ZMYM4: variants seen among roughly 807,000 people sequenced by gnomAD.
ZMYM4 encodes zinc finger MYM-type containing 4, also known as zinc finger MYM-type protein 4.
In ZMYM4, 31 loss-of-function variants were observed where a neutral mutation model predicts 183.2. That is an observed-to-expected ratio of 0.17 (90% CI 0.13 to 0.23). ZMYM4 has a LOEUF of 0.23. Ranked by LOEUF, ZMYM4 falls within the 10% of genes least tolerant of loss-of-function variation. ZMYM4 has a pLI of 1.00. For synonymous variants in ZMYM4, 592 were observed against 631.2 expected (o/e 0.94, Z 0.93); for missense variants, 1,273 against 1,840.3 (o/e 0.69, Z 5.64).
intron 1 of ZMYM4, chr1:35,309,110 A>T: frequency 3.5e-6 from 3 of 851,210 alleles, no homozygotes; most frequent in African/African-American, 1.8e-5. Context: ...CTAAATATGG[A>T]TGCCAACCTC....
At chr1:35,415,003 G>A (rs902076895) in intron 27 of ZMYM4, among the ~76,000 whole-genome samples, 6 of 152,236 alleles carry the variant, frequency 3.9e-5, no homozygotes, top group Admixed American at 2.6e-4. Flanking sequence ...AGCCCTGATC[G>A]TGCCACTGCA....
At chr1:35,391,865 A>G (rs1644711933) in intron 15 of ZMYM4, among the ~76,000 whole-genome samples, 1 of 151,038 alleles carries the variant, frequency 6.6e-6, no homozygotes, top group Non-Finnish European at 1.5e-5. Context: ...ACATGGTGAA[A>G]CCCCGTCTCT....
In ZMYM4 at chr1:35,370,625, A is replaced by T. The variant is rs756849810; in HGVS notation, c.1179A>T (p.Ser393=). 2.5e-6 allele frequency: 4 copies of T among 1,603,476 alleles called. No homozygotes were observed. Among genetic ancestry groups the T allele is most frequent in the Non-Finnish European group, 3.4e-6 (4 of 1,173,562 alleles). The change falls in exon 7 of 30, where the codon TCA becomes TCT. Residue 393 remains serine, a splice_region_variant and synonymous_variant. Coordinates refer to ENST00000314607, the MANE Select transcript of ZMYM4 (RefSeq NM_005095.3). ...CCAAGAAAACTTGTTCAAGTTGCTC[A>T]AAGTATAGCAGAATTCTAAATTATC... ...PLTKKTCSSC[S]KDILNPKDVI...
chr1:35,288,244 C>A (rs528897276), intron 1 of ZMYM4, among the ~76,000 whole-genome samples: 1 of 152,174 alleles, frequency 6.6e-6, no homozygotes, highest in Non-Finnish European at 1.5e-5. Context: ...TTTCGCACTC[C>A]CTTCTTTACT....
chr1:35,310,801 C>T (rs1394126667), intron 1 of ZMYM4, among the ~76,000 whole-genome samples: 1 of 151,920 alleles, frequency 6.6e-6, no homozygotes, highest in East Asian at 1.9e-4. Flanking sequence ...TGGTCTCGAG[C>T]TCCTGACCTC....
chr1:35,386,328 G>A (rs1340474849), intron 11 of ZMYM4, 139 bp downstream of exon 11: 2 of 599,194 alleles, frequency 3.3e-6, no homozygotes, highest in African/African-American at 1.9e-5. Context: ...AGTTCCACAG[G>A]CTGTACAGGT....
At chr1:35,411,005 T>G (rs1248726604) in intron 26 of ZMYM4, among the ~76,000 whole-genome samples, 1 of 152,080 alleles carries the variant, frequency 6.6e-6, no homozygotes, top group Non-Finnish European at 1.5e-5. Context: ...AATTTTTGTA[T>G]CTGGTATGAG....
intron 1 of ZMYM4, among the ~76,000 whole-genome samples, chr1:35,293,091 C>T (rs1361352754): frequency 6.6e-6 from 1 of 151,740 alleles, no homozygotes; most frequent in Non-Finnish European, 1.5e-5. Flanking sequence ...GCCTCTAACC[C>T]CTAGGCTCAA....
intron 1 of ZMYM4, among the ~76,000 whole-genome samples, chr1:35,311,880 C>G (rs888159614): frequency 6.6e-6 from 1 of 151,746 alleles, no homozygotes; most frequent in Non-Finnish European, 1.5e-5. Flanking sequence ...GTATGAAGAG[C>G]CTTTCTTTTT....
At chr1:35,336,877 A>G (rs576361460) in intron 2 of ZMYM4, among the ~76,000 whole-genome samples, 11 of 152,318 alleles carry the variant, frequency 7.2e-5, no homozygotes, top group South Asian at 6.2e-4. Flanking sequence ...TTATAGGGGC[A>G]GTTCCCCCCA....
chr1:35,348,762 A>G (rs768702458), intron 2 of ZMYM4, among the ~76,000 whole-genome samples: 8 of 152,180 alleles, frequency 5.3e-5, no homozygotes, highest in Non-Finnish European at 1.0e-4. Context: ...TTGTTCCCAA[A>G]CTTTATTAAT....
In ZMYM4 at chr1:35,390,094, T is replaced by C; in HGVS notation, c.2583T>C (p.Asn861=). 1 of 1,613,260 alleles carries C rather than the reference T, an allele frequency of 6.2e-7. No homozygotes were observed. The highest frequency in any genetic ancestry group is 8.5e-7 in the Non-Finnish European group (1 of 1,179,506). The stretch of plus-strand genomic sequence containing the variant: ...TATGTGACCCGCCTTCACAAAATAA[T>C]GCAGGTAAAATTAACCTTAGGTACT... ...QSVCDPPSQN[N]AANISMVQAA... is the part of the protein sequence containing the mutation. Residue 861 remains asparagine (N), a synonymous_variant, in exon 15 of 30, where the codon AAT becomes AAC. Transcript: ENST00000314607.
intron 16 of ZMYM4, 90 bp downstream of exon 16, chr1:35,392,442 C>G (rs1274120515): frequency 6.8e-7 from 1 of 1,468,450 alleles, no homozygotes; most frequent in African/African-American, 1.4e-5. Flanking sequence ...TATTTTCATA[C>G]ATTTGACACA....
At position 35,405,000 on chromosome 1, in the gene ZMYM4, G is replaced by A. The variant is rs547112292; in HGVS notation, c.3529-23G>A. 1.1e-4 allele frequency: 173 copies of A among 1,560,680 alleles called. 3 individuals are homozygous for A. The South Asian group carries it at 2.1e-3, about 19-fold the overall frequency. The stretch of plus-strand genomic sequence containing the variant: ...AATCCAAAACTAAATTTTATGTTCT[G>A]TAAATTTTTGGAATTCTTACAGGGA... On this transcript the variant is annotated intron_variant, in intron 23 of 29. Coordinates refer to ENST00000314607, the MANE Select transcript of ZMYM4 (RefSeq NM_005095.3).
intron 2 of ZMYM4, among the ~76,000 whole-genome samples, chr1:35,331,083 CA>C (rs1293205493): frequency 6.8e-6 from 1 of 148,024 alleles, no homozygotes; most frequent in Non-Finnish European, 1.5e-5. Flanking sequence ...ATGGAACAAA[CA>C]AAAAATAAAA....
chr1:35,386,569 C>T (rs1270393426), intron 11 of ZMYM4, among the ~76,000 whole-genome samples: 3 of 152,176 alleles, frequency 2.0e-5, no homozygotes, highest in Non-Finnish European at 4.4e-5. Context: ...GGATTACCGA[C>T]TGGACATGAG....
chr1:35,406,320 A>C (rs927352521), intron 25 of ZMYM4, among the ~76,000 whole-genome samples: 2 of 152,124 alleles, frequency 1.3e-5, no homozygotes, highest in Non-Finnish European at 2.9e-5. Context: ...TGTTGTGGAG[A>C]TTTACTAGGC....
At chr1:35,398,157 G>A (rs11264151) in intron 20 of ZMYM4, among the ~76,000 whole-genome samples, 4,973 of 152,146 alleles carry the variant, frequency 0.033, 256 homozygotes, top group East Asian at 0.24. Flanking sequence ...CAGAAGTGGC[G>A]GAACCAGAAC....
chr1:35,387,664 A>G (rs141821200), intron 13 of ZMYM4, 60 bp downstream of exon 13: 2 of 1,521,526 alleles, frequency 1.3e-6, no homozygotes, highest in Admixed American at 4.3e-5. Flanking sequence ...GCAGTTGATG[A>G]TGATTTAAGC....
Sources: allele counts gnomAD v4.1 joint callset (sites outside exome capture counted in the v4.1 genomes callset), GRCh38; gene constraint gnomAD v4.1.1; transcripts MANE v1.5; gene names NCBI Gene and HGNC (gene_info 2026-07-23, HGNC 2026-07-21).